The following XPNPEP3 variants were observed in gnomAD, a reference collection of about 807,000 sequenced individuals.
XPNPEP3 encodes xaa-Pro aminopeptidase 3.
Under a neutral mutation model 60.0 loss-of-function variants are expected in XPNPEP3, and 41 were observed. The ratio of observed to expected loss-of-function variants is 0.68; its 90% CI spans 0.53 to 0.89. The LOEUF (loss-of-function observed/expected upper bound fraction) is 0.89, where lower values mean the gene tolerates loss of function less well. XPNPEP3 is among the 40% of genes least tolerant of loss of function. The probability of loss-of-function intolerance (pLI) is 0.00; values close to 1 mark genes in which losing one functional copy is unlikely to be tolerated. For missense variants in XPNPEP3, 598 were observed against 638.9 expected, an observed-to-expected ratio of 0.94 and a Z score of 0.69; for synonymous variants, 212 against 223.2, an observed-to-expected ratio of 0.95 and a Z score of 0.45.
intron 4 of XPNPEP3, chr22:40,907,234 A>C (rs773002592): frequency 4.4e-6 from 2 of 453,174 alleles, no homozygotes; most frequent in Non-Finnish European, 8.8e-6. Context: ...ATCCTGGCTA[A>C]CACAGTGAAA....
intron 4 of XPNPEP3, chr22:40,888,338 G>T (rs2058076841): frequency 8.1e-6 from 3 of 370,926 alleles, no homozygotes; most frequent in South Asian, 5.9e-5. Flanking sequence ...CGACCTCCTG[G>T]GTTCAAGTGA....
Position 40,884,776 on chromosome 22 carries a change from A to C in XPNPEP3, c.590-1537A>C, listed in dbSNP as rs950694775. Among the ~76,000 whole-genome samples the C allele has an allele frequency of 6.0e-5, 9 of 151,008 alleles. No homozygotes were observed. In the South Asian group the frequency reaches 1.1e-3, roughly 18 times the overall value. ...TGCAGTGGCTCACGCCTGTAATCCC[A>C]GCACTTCGGGAGGCCAAGGGAGGTG... On this transcript the variant is annotated intron_variant, in intron 3 of 9. Transcript: ENST00000357137.
intron 4 of XPNPEP3, among the ~76,000 whole-genome samples, chr22:40,902,466 G>A (rs1296090748): frequency 6.6e-6 from 1 of 152,022 alleles, no homozygotes; most frequent in African/African-American, 2.4e-5. Flanking sequence ...TAGCCAGGAT[G>A]GTCTCGATCT....
At chr22:40,893,073 ATTAT>A (rs2058094230) in intron 4 of XPNPEP3, among the ~76,000 whole-genome samples, 1 of 147,786 alleles carries the variant, frequency 6.8e-6, no homozygotes, top group Non-Finnish European at 1.5e-5. Flanking sequence ...AATTTGAAAT[ATTAT>A]TTATATTATA....
rs969975865 is a variant in XPNPEP3 at position 40,931,106 on chromosome 22, C to G, written c.*4671C>G. ...TCGTGATCTGCCCACTTTGGCCTCC[C>G]AAAGTGCTGGGATTACAGGTGTGAG... is the stretch of plus-strand genomic sequence containing the variant. On this transcript the variant is annotated 3_prime_UTR_variant, in exon 10 of 10. Transcript: ENST00000357137. The G allele has an allele frequency of 6.6e-6, 1 of 152,246 alleles. No individual in the cohort carries two copies. Among genetic ancestry groups the G allele is most frequent in the African/African-American group, 2.4e-5 (1 of 41,412 alleles). The allele number at this position is 152,246 out of a possible 1,614,324, so 9.4% of individuals were successfully genotyped here.
chr22:40,901,714 A>T (rs1275863346), intron 4 of XPNPEP3, among the ~76,000 whole-genome samples: 1 of 151,116 alleles, frequency 6.6e-6, no homozygotes, highest in African/African-American at 2.4e-5. Flanking sequence ...GACTCAAGCA[A>T]TCCACCCACC....
intron 1 of XPNPEP3, among the ~76,000 whole-genome samples, chr22:40,865,722 G>C (rs2145772009): frequency 6.6e-6 from 1 of 151,480 alleles, no homozygotes; most frequent in Non-Finnish European, 1.5e-5. Context: ...GTAGAGACAG[G>C]GTTTAGCCAT....
At chr22:40,888,809 G>A (rs2058078465) in intron 4 of XPNPEP3, among the ~76,000 whole-genome samples, 1 of 152,042 alleles carries the variant, frequency 6.6e-6, no homozygotes, top group Non-Finnish European at 1.5e-5. Context: ...TATCCATAGT[G>A]GCTGCACCGT....
chr22:40,909,585 T>G (rs1439180501), intron 6 of XPNPEP3, among the ~76,000 whole-genome samples: 2 of 152,020 alleles, frequency 1.3e-5, no homozygotes, highest in Non-Finnish European at 2.9e-5. Flanking sequence ...GCCAACATGG[T>G]GAAACCATGT....
chr22:40,932,178 A>G lies in XPNPEP3; in HGVS notation c.*5743A>G, dbSNP rs571938833. 6.6e-6 allele frequency: 1 copy of G among 152,272 alleles called. No individual in the cohort carries two copies. The highest frequency in any genetic ancestry group is 6.5e-5 in the Admixed American group (1 of 15,270). The allele number at this position is 152,272 out of a possible 1,614,324, so 9.4% of individuals were successfully genotyped here. A position where few individuals can be genotyped will look rare whatever the true frequency, so the allele number is the denominator to read the frequency against. On this transcript the variant is annotated 3_prime_UTR_variant, in exon 10 of 10. Transcript: ENST00000357137. ...GTGTTTCCAATAACTTCTGCCAATA[A>G]AACAGAATTTGAGTTAGAACCTATC... is the stretch of plus-strand genomic sequence containing the variant.
intron 4 of XPNPEP3, among the ~76,000 whole-genome samples, chr22:40,890,065 C>T (rs1324418094): frequency 2.6e-5 from 4 of 152,176 alleles, no homozygotes; most frequent in Admixed American, 2.6e-4. Context: ...CAATTCTCCT[C>T]CATAGGGATA....
intron 4 of XPNPEP3, among the ~76,000 whole-genome samples, chr22:40,903,907 CACACAA>C (rs1323415897): frequency 6.6e-6 from 1 of 150,904 alleles, no homozygotes; most frequent in African/African-American, 2.4e-5. Flanking sequence ...CACACACACA[CACACAA>C]GTTTCATGAA....
chr22:40,861,471 G>T, intron 1 of XPNPEP3: 1 of 1,614,138 alleles, frequency 6.2e-7, no homozygotes, highest in Non-Finnish European at 8.5e-7. Flanking sequence ...ATTATCAAAA[G>T]CCAGGGAAGA....
intron 3 of XPNPEP3, among the ~76,000 whole-genome samples, chr22:40,883,752 TCTG>T: frequency 6.6e-6 from 1 of 152,322 alleles, no homozygotes; most frequent in Non-Finnish European, 1.5e-5. Flanking sequence ...AGATTTTTCT[TCTG>T]GGAATTTTTT....
At chr22:40,884,753 CA>C (rs1332724368) in intron 3 of XPNPEP3, among the ~76,000 whole-genome samples, 1 of 151,754 alleles carries the variant, frequency 6.6e-6, no homozygotes, top group African/African-American at 2.4e-5. Context: ...TGGCCGGGTG[CA>C]GTGGCTCACG....
In XPNPEP3 at chr22:40,909,316, C is replaced by G. The variant is rs12170002; in HGVS notation, c.969+81C>G. 1.7e-4 allele frequency: 183 copies of G among 1,077,036 alleles called. No individual in the cohort carries two copies. The African/African-American group carries it at 2.5e-3, about 15-fold the overall frequency. The allele number at this position is 1,077,036 out of a possible 1,614,324, so 66.7% of individuals were successfully genotyped here. ...ACCTGCTAACCTCATGTCCTCTCAC[C>G]TTCAGCTTTCACAAATTAGCTGACA... On this transcript the variant is annotated intron_variant, in intron 6 of 9. Coordinates refer to ENST00000357137, the MANE Select transcript of XPNPEP3 (RefSeq NM_022098.4).
chr22:40,907,941 G>T (rs996899189), intron 5 of XPNPEP3, among the ~76,000 whole-genome samples: 2 of 151,922 alleles, frequency 1.3e-5, no homozygotes, highest in Admixed American at 1.3e-4. Flanking sequence ...AGGGCTGGGC[G>T]TGGAGCTCAT....
At chr22:40,873,702 TAG>T (rs1004784306) in intron 2 of XPNPEP3, among the ~76,000 whole-genome samples, 1 of 151,908 alleles carries the variant, frequency 6.6e-6, no homozygotes, top group Non-Finnish European at 1.5e-5. Context: ...GAAGCTGAAG[TAG>T]GAGGATTGTT....
intron 1 of XPNPEP3, chr22:40,862,532 A>T: frequency 1.0e-6 from 1 of 985,218 alleles, no homozygotes. Flanking sequence ...GGGAGATACA[A>T]ACAAGTAACT....
Sources: allele counts gnomAD v4.1 joint callset (sites outside exome capture counted in the v4.1 genomes callset), GRCh38; gene constraint gnomAD v4.1.1; transcripts MANE v1.5; gene names NCBI Gene and HGNC (gene_info 2026-07-23, HGNC 2026-07-21).